Variants in DPYSL2 observed in about 807,000 individuals in gnomAD.
DPYSL2 encodes dihydropyrimidinase like 2.
A neutral mutation model predicts 69.9 loss-of-function variants in DPYSL2; 13 were observed. The ratio of observed to expected loss-of-function variants is 0.19; its 90% CI spans 0.12 to 0.30. The LOEUF (loss-of-function observed/expected upper bound fraction) is 0.30. Ranked by LOEUF, DPYSL2 falls within the 10% of genes least tolerant of loss-of-function variation. DPYSL2 has a pLI of 1.00. For synonymous variants in DPYSL2, 326 were observed against 359.1 expected, an observed-to-expected ratio of 0.91 and a Z score of 1.04; for missense variants, 587 against 918.9, an observed-to-expected ratio of 0.64 and a Z score of 4.67.
intron 1 of DPYSL2, among the ~76,000 whole-genome samples, chr8:26,529,559 C>T (rs1476762792): frequency 1.3e-5 from 2 of 151,926 alleles, no homozygotes; most frequent in African/African-American, 2.4e-5. Context: ...TCAAGGGATC[C>T]TCCTGCCTCA....
chr8:26,582,960 A>G lies in DPYSL2; in HGVS notation c.444-839A>G, dbSNP rs933635878. 7.2e-5 allele frequency among the ~76,000 whole-genome samples: 11 copies of G among 152,208 alleles called. No homozygotes were observed. Among genetic ancestry groups the G allele is most frequent in the Non-Finnish European group, 1.0e-4 (7 of 68,044 alleles). The stretch of plus-strand genomic sequence containing the variant: ...GTTTTCTCCATGTGTGTTTGCTGTG[A>G]CAGTCTCAGCTCCAGGCTCTCAAAT... On this transcript the variant is annotated intron_variant, in intron 2 of 13. Coordinates refer to ENST00000521913, the MANE Select transcript of DPYSL2 (RefSeq NM_001197293.3). The surrounding 1 kb of genome is among the most constrained non-coding windows in gnomAD (Gnocchi z 4.1).
At chr8:26,537,634 A>ACACACACACAC (rs1554533026) in intron 1 of DPYSL2, among the ~76,000 whole-genome samples, 2 of 150,576 alleles carry the variant, frequency 1.3e-5, no homozygotes, top group Non-Finnish European at 3.0e-5. Context: ...ACACACACAC[A>ACACACACACAC]ACTGTATATT....
intron 4 of DPYSL2, among the ~76,000 whole-genome samples, chr8:26,625,347 C>T (rs1253778108): frequency 2.0e-5 from 3 of 152,178 alleles, no homozygotes; most frequent in African/African-American, 7.2e-5. Flanking sequence ...CATGCGGAGA[C>T]TCCAAGTGGT....
chr8:26,603,037 C>G (rs1365687475), intron 3 of DPYSL2, among the ~76,000 whole-genome samples: 1 of 152,144 alleles, frequency 6.6e-6, no homozygotes, highest in Non-Finnish European at 1.5e-5. Flanking sequence ...GTAGATGAGT[C>G]TGGTGTATTT....
intron 1 of DPYSL2, among the ~76,000 whole-genome samples, chr8:26,539,903 T>C (rs1399350880): frequency 1.3e-5 from 2 of 152,172 alleles, no homozygotes; most frequent in African/African-American, 4.8e-5. Context: ...GAAGTGACTG[T>C]TTCCACAAGT....
rs1352701258 is a variant in DPYSL2, at chr8:26,640,061, G to A, written c.1127-3378G>A. Among the ~76,000 whole-genome samples the A allele has an allele frequency of 6.6e-6, 1 of 152,156 alleles. No individual in the cohort carries two copies. Among genetic ancestry groups the A allele is most frequent in the Non-Finnish European group, 1.5e-5 (1 of 68,040 alleles). ...TCTGTCTGTCTGTCCATCCCAGTTG[G>A]TTTTCACTGTGCTTTGGTGGCTGCA... On this transcript the variant is annotated intron_variant, in intron 8 of 13. Transcript: ENST00000521913. This position sits in a 1 kb window ranked among gnomAD's most constrained non-coding sequence, Gnocchi z 4.2.
chr8:26,566,026 C>T (rs1322105744), intron 1 of DPYSL2, among the ~76,000 whole-genome samples: 1 of 152,194 alleles, frequency 6.6e-6, no homozygotes, highest in Non-Finnish European at 1.5e-5. Context: ...AGAGGAGAGC[C>T]TGGATTTCAT....
At chr8:26,527,159 C>T (rs1406807017) in intron 1 of DPYSL2, among the ~76,000 whole-genome samples, 1 of 152,152 alleles carries the variant, frequency 6.6e-6, no homozygotes, top group African/African-American at 2.4e-5. Context: ...GCTGACGGTC[C>T]CTGAAATCAT....
In DPYSL2 at chr8:26,643,182, T is replaced by C; in HGVS notation, c.1127-257T>C. 2.4e-6 allele frequency: 1 copy of C among 408,486 alleles called. No individual in the cohort carries two copies. The highest frequency in any genetic ancestry group is 4.3e-6 in the Non-Finnish European group (1 of 231,624). The allele number at this position is 408,486 out of a possible 1,614,324, so 25.3% of individuals were successfully genotyped here. A position where few individuals can be genotyped will look rare whatever the true frequency, so the allele number is the denominator to read the frequency against. On this transcript the variant is annotated intron_variant, in intron 8 of 13. Transcript: ENST00000521913. The surrounding 1 kb of genome is among the most constrained non-coding windows in gnomAD (Gnocchi z 6.5). ...GTAGGAGACAGAAGCCTTCAGGATG[T>C]CTGGGATCCTATAGGGAGGGTGTGT...
chr8:26,548,124 G>A, intron 1 of DPYSL2: 1 of 218,566 alleles, frequency 4.6e-6, no homozygotes, highest in Non-Finnish European at 9.5e-6. Flanking sequence ...CCGGGAGAAG[G>A]TGCTGGAGAG....
chr8:26,630,187 C>G (rs1802735083), intron 7 of DPYSL2, among the ~76,000 whole-genome samples: 1 of 152,254 alleles, frequency 6.6e-6, no homozygotes, highest in South Asian at 2.1e-4. Context: ...CGCTTGCACA[C>G]ACCTATGCAG....
intron 1 of DPYSL2, among the ~76,000 whole-genome samples, chr8:26,543,747 A>G (rs1233604969): frequency 6.6e-6 from 1 of 152,200 alleles, no homozygotes; most frequent in African/African-American, 2.4e-5. Context: ...TCGGCCTCCC[A>G]AAGTGCTGGG....
chr8:26,529,839 G>A (rs1333865417), intron 1 of DPYSL2, among the ~76,000 whole-genome samples: 2 of 150,800 alleles, frequency 1.3e-5, no homozygotes, highest in East Asian at 1.9e-4. Context: ...GGCCGGGCAC[G>A]GTGGCTCACA....
rs1348026087 is a variant in DPYSL2 at position 26,591,778 on chromosome 8, C to T, written c.628+7795C>T. ...CTTTGTCATCCCCCCATGGCAGCCC[C>T]TCTGCCTCTGGAGAATCCCAGAGCT... On this transcript the variant is annotated intron_variant, in intron 3 of 13. Coordinates refer to ENST00000521913, the MANE Select transcript of DPYSL2 (RefSeq NM_001197293.3). The surrounding 1 kb of genome is among the most constrained non-coding windows in gnomAD (Gnocchi z 5.8). Among the ~76,000 whole-genome samples, 1 of 152,144 alleles carries T rather than the reference C, an allele frequency of 6.6e-6. No homozygotes were observed. Among genetic ancestry groups the T allele is most frequent in the Non-Finnish European group, 1.5e-5 (1 of 68,024 alleles).
At chr8:26,539,647 C>G (rs1172272366) in intron 1 of DPYSL2, among the ~76,000 whole-genome samples, 2 of 152,196 alleles carry the variant, frequency 1.3e-5, no homozygotes, top group Non-Finnish European at 2.9e-5. Context: ...TCAAGTGATT[C>G]TCCTGCCTCA....
intron 1 of DPYSL2, among the ~76,000 whole-genome samples, chr8:26,538,803 C>G (rs971250564): frequency 2.0e-5 from 3 of 151,986 alleles, no homozygotes; most frequent in African/African-American, 7.2e-5. Flanking sequence ...ACATGCCAGA[C>G]CTGTTGCAAA....
intron 7 of DPYSL2, among the ~76,000 whole-genome samples, chr8:26,630,891 C>T (rs988665776): frequency 2.6e-5 from 4 of 152,222 alleles, no homozygotes; most frequent in African/African-American, 4.8e-5. Context: ...AAAGTTTCCT[C>T]CTGCTTTCCT....
chr8:26,567,171 TCCA>T (rs556217104), intron 1 of DPYSL2, among the ~76,000 whole-genome samples: 1,571 of 146,802 alleles, frequency 0.011, 11 homozygotes, highest in Non-Finnish European at 0.018. Flanking sequence ...CATCCATCCA[TCCA>T]TCCATCCACC....
rs1334224135 is a variant in DPYSL2 at position 26,655,754 on chromosome 8, A to C, written c.*48A>C. On this transcript the variant is annotated 3_prime_UTR_variant, in exon 14 of 14. Transcript: ENST00000521913. The stretch of plus-strand genomic sequence containing the variant: ...CTGGGGACTGGGGATGGGACACCTG[A>C]GGACATTCTGAGACTTCTTTCTTCC... 1.5e-6 allele frequency: 2 copies of C among 1,315,502 alleles called. No homozygotes were observed. Among genetic ancestry groups the C allele is most frequent in the South Asian group, 2.8e-5 (2 of 72,514 alleles). The allele number at this position is 1,315,502 out of a possible 1,614,324, so 81.5% of individuals were successfully genotyped here.
Sources: allele counts gnomAD v4.1 joint callset (sites outside exome capture counted in the v4.1 genomes callset), GRCh38; gene constraint gnomAD v4.1.1; non-coding constraint Gnocchi (gnomAD v3.1); transcripts MANE v1.5; gene names NCBI Gene and HGNC (gene_info 2026-07-23, HGNC 2026-07-21).